Variants in OXR1 observed in about 807,000 individuals in gnomAD.
OXR1 encodes the protein oxidation resistance 1.
OXR1 carries 41 observed loss-of-function variants against 104.6 expected under a neutral mutation model. The ratio of observed to expected loss-of-function variants is 0.39; its 90% CI spans 0.31 to 0.51. The LOEUF is 0.51. Among genes scored for constraint, OXR1 ranks in the 20% least tolerant of loss-of-function variants. The probability of loss-of-function intolerance (pLI) is 0.77; values close to 1 mark genes in which losing one functional copy is unlikely to be tolerated. For missense variants in OXR1, 955 were observed against 1,031.9 expected (o/e 0.93, Z 1.02); for synonymous variants, 348 against 348.4 (o/e 1.00, Z 0.01).
At chr8:106,417,109 A>T (rs1280846707) in intron 2 of OXR1, among the ~76,000 whole-genome samples, 2 of 152,120 alleles carry the variant, frequency 1.3e-5, no homozygotes, top group African/African-American at 4.8e-5. Flanking sequence ...TATTATGTTT[A>T]ACACACATAT....
rs1208139618 is a variant in OXR1, at chr8:106,691,963, A to ATG, written c.526-753_526-752dup. Among the ~76,000 whole-genome samples, 28 of 141,040 alleles carry ATG rather than the reference A, an allele frequency of 2.0e-4. No homozygotes were observed. The East Asian group carries it at 2.2e-3, about 11-fold the overall frequency. 92.5% of individuals were successfully genotyped at this position (141,040 alleles called of 152,430 possible). A position where few individuals can be genotyped will look rare whatever the true frequency, so the allele number is the denominator to read the frequency against. The stretch of plus-strand genomic sequence containing the variant: ...CAAAAAAAAACCAAGAAGCGTATAT[A>ATG]TGTGTGTGTGTGTCTATATATATAC... On this transcript the variant is annotated intron_variant, in intron 6 of 16. Transcript: ENST00000517566.
In OXR1 at chr8:106,271,376, C is replaced by T. The variant is rs546714066; in HGVS notation, c.-139+1009C>T. ...GCTCGGGCTTCCGTTCAGTGGTTCC[C>T]GGCACGCTCAGGGTGCAGTGTAGGG... On this transcript the variant is annotated intron_variant, in intron 1 of 16. Transcript: ENST00000517566. Among the ~76,000 whole-genome samples, 62 of 152,144 alleles carry T rather than the reference C, an allele frequency of 4.1e-4. 3 individuals carry two copies. Among genetic ancestry groups the T allele is most frequent in the African/African-American group, 1.4e-3 (59 of 41,518 alleles).
Position 106,611,864 on chromosome 8 carries a change from C to T in OXR1, c.221-67346C>T, listed in dbSNP as rs138167192. On this transcript the variant is annotated intron_variant, in intron 3 of 16. Coordinates refer to ENST00000517566, the MANE Select transcript of OXR1 (RefSeq NM_001198533.2). ...TGAATTCAGTTTTTACATCAGTTTT[C>T]GGCACAGTGGCCTAAATAGACCAAA... Among the ~76,000 whole-genome samples, 294 of 152,132 alleles carry T rather than the reference C, an allele frequency of 1.9e-3. 1 individual carries two copies. The highest frequency in any genetic ancestry group is 6.7e-3 in the African/African-American group (279 of 41,524).
intron 3 of OXR1, among the ~76,000 whole-genome samples, chr8:106,563,939 A>G (rs540177469): frequency 1.3e-5 from 2 of 152,342 alleles, no homozygotes; most frequent in South Asian, 2.1e-4. Context: ...TTTGAAACCA[A>G]TGAGAACAAA....
In OXR1 at chr8:106,653,084, A is replaced by ATATG. The variant is rs1563670686; in HGVS notation, c.221-26123_221-26122insGTAT. On this transcript the variant is annotated intron_variant, in intron 3 of 16. Transcript: ENST00000517566. ...CAAGGAGAAATAGAAAAAAAAAAAAATATATATATATATATGGTAAATGAT... is the reference window on the plus strand; with the variant it reads ...CAAGGAGAAATAGAAAAAAAAAAAAATATGTATATATATATATATGGTAAATGAT... 1.4e-4 allele frequency among the ~76,000 whole-genome samples: 9 copies of ATATG among 63,724 alleles called. No homozygotes were observed. The East Asian group carries it at 3.9e-3, about 28-fold the overall frequency. 41.8% of individuals were successfully genotyped at this position (63,724 alleles called of 152,430 possible).
rs534692339 is a variant in OXR1, at chr8:106,332,021, T to C, written c.-138-27455T>C. Among the ~76,000 whole-genome samples, 152 of 151,716 alleles carry C rather than the reference T, an allele frequency of 1.0e-3. 3 individuals are homozygous for C. Among genetic ancestry groups the C allele is most frequent in the Non-Finnish European group, 3.7e-4 (25 of 67,848 alleles). The stretch of plus-strand genomic sequence containing the variant: ...TAGTGTGTGTGTGTGTGTGTGTGTG[T>C]GTGTGTGTGTGTGTGTGTGTGAATG... On this transcript the variant is annotated intron_variant, in intron 1 of 16. Coordinates refer to ENST00000517566, the MANE Select transcript of OXR1 (RefSeq NM_001198533.2).
chr8:106,381,226 C>A (rs1817136560), intron 2 of OXR1, among the ~76,000 whole-genome samples: 1 of 152,028 alleles, frequency 6.6e-6, no homozygotes. Context: ...GACACAGTTT[C>A]TCAGGAATGA....
At chr8:106,748,082 ATGT>A (rs2131602949) in intron 16 of OXR1, among the ~76,000 whole-genome samples, 2 of 152,326 alleles carry the variant, frequency 1.3e-5, no homozygotes, top group South Asian at 4.1e-4. Flanking sequence ...CTTTAAAGGC[ATGT>A]TGTTGCCAGT....
chr8:106,286,885 A>C (rs1193219717), intron 1 of OXR1, among the ~76,000 whole-genome samples: 1 of 152,210 alleles, frequency 6.6e-6, no homozygotes, highest in Non-Finnish European at 1.5e-5. Flanking sequence ...ATAATAAAAG[A>C]CAAATTATCT....
intron 11 of OXR1, among the ~76,000 whole-genome samples, chr8:106,717,888 T>G (rs1832424745): frequency 6.6e-6 from 1 of 152,202 alleles, no homozygotes; most frequent in Admixed American, 6.5e-5. Flanking sequence ...ATTTACATTT[T>G]TTTTTGTTCT....
At chr8:106,572,424 A>G (rs1009952932) in intron 3 of OXR1, among the ~76,000 whole-genome samples, 2 of 152,182 alleles carry the variant, frequency 1.3e-5, no homozygotes, top group East Asian at 1.9e-4. Context: ...ATTTTTCACA[A>G]TATAGGTAGC....
At chr8:106,524,397 A>C (rs927110257) in intron 3 of OXR1, among the ~76,000 whole-genome samples, 1 of 152,192 alleles carries the variant, frequency 6.6e-6, no homozygotes, top group African/African-American at 2.4e-5. Flanking sequence ...TTGATTCCTC[A>C]CTTCAGGGAA....
intron 3 of OXR1, among the ~76,000 whole-genome samples, chr8:106,603,189 T>TGGAGTCA (rs1182769083): frequency 6.6e-6 from 1 of 152,222 alleles, no homozygotes; most frequent in African/African-American, 2.4e-5. Context: ...TGCGTATGAC[T>TGGAGTCA]GGAGTCAGGT....
chr8:106,291,465 A>G (rs998359102), intron 1 of OXR1, among the ~76,000 whole-genome samples: 2 of 152,216 alleles, frequency 1.3e-5, no homozygotes, highest in African/African-American at 4.8e-5. Flanking sequence ...TTAGCATTAA[A>G]TTGCATCATT....
In OXR1 at chr8:106,405,179, T is replaced by C. The variant is rs1563757947; in HGVS notation, c.23+45543T>C. Among the ~76,000 whole-genome samples, 29 of 24,572 alleles carry C rather than the reference T, an allele frequency of 1.2e-3. 1 individual carries two copies. The highest frequency in any genetic ancestry group is 7.8e-3 in the African/African-American group (27 of 3,462). 16.1% of individuals were successfully genotyped at this position (24,572 alleles called of 152,430 possible). A position where few individuals can be genotyped will look rare whatever the true frequency, so the allele number is the denominator to read the frequency against. ...ATATATATATATATATATATATATATATATATATATATATATATATATAGT... is the reference window on the plus strand; with the variant it reads ...ATATATATATATATATATATATATACATATATATATATATATATATATAGT... On this transcript the variant is annotated intron_variant, in intron 2 of 16. Coordinates refer to ENST00000517566, the MANE Select transcript of OXR1 (RefSeq NM_001198533.2).
intron 1 of OXR1, among the ~76,000 whole-genome samples, chr8:106,273,254 A>AAG (rs1554616131): frequency 6.6e-6 from 1 of 152,122 alleles, no homozygotes; most frequent in Non-Finnish European, 1.5e-5. Context: ...GAAAAAAAAA[A>AAG]AAGAAGAAGA....
chr8:106,727,543 A>T (rs889367471), intron 11 of OXR1, among the ~76,000 whole-genome samples: 1 of 151,982 alleles, frequency 6.6e-6, no homozygotes, highest in South Asian at 2.1e-4. Flanking sequence ...TCAGCCCGGC[A>T]AGTAGCTGGG....
At chr8:106,309,674 G>T (rs1813616858) in intron 1 of OXR1, among the ~76,000 whole-genome samples, 1 of 151,258 alleles carries the variant, frequency 6.6e-6, no homozygotes, top group South Asian at 2.1e-4. Context: ...TTCACATGTG[G>T]TAAAATTTTC....
At chr8:106,578,354 C>T (rs964556606) in intron 3 of OXR1, among the ~76,000 whole-genome samples, 3 of 152,152 alleles carry the variant, frequency 2.0e-5, no homozygotes, top group African/African-American at 4.8e-5. Context: ...TGTCTCCTGA[C>T]TACATTGATT....
Sources: gnomAD v4.1 joint callset for allele counts (sites outside exome capture counted in the v4.1 genomes callset) on GRCh38, gnomAD v4.1.1 for gene constraint, MANE v1.5 for transcripts, NCBI Gene and HGNC (gene_info 2026-07-23, HGNC 2026-07-21) for gene names.